Variants in ADAMTS20 observed in about 807,000 individuals in gnomAD.
The protein encoded by ADAMTS20 is A disintegrin and metalloproteinase with thrombospondin motifs 20.
In ADAMTS20, 225 loss-of-function variants were observed where a neutral mutation model predicts 260.1. The observed-to-expected ratio is 0.87, with a 90% CI of 0.78 to 0.97. The LOEUF is 0.97. Ranked by LOEUF, ADAMTS20 falls within the 50% of genes least tolerant of loss-of-function variation. ADAMTS20 has a pLI of 0.00. For synonymous variants in ADAMTS20, 802 were observed against 769.5 expected (o/e 1.04, Z -0.70); for missense variants, 2,400 against 2,337.7 (o/e 1.03, Z -0.55).
Position 43,452,612 on chromosome 12 carries a change from T to G in ADAMTS20, c.1844A>C (p.Gln615Pro). 1 of 1,613,490 alleles carries G rather than the reference T, an allele frequency of 6.2e-7. No homozygotes were observed. Among genetic ancestry groups the G allele is most frequent in the African/African-American group, 1.3e-5 (1 of 75,050 alleles). The change falls in exon 13 of 39, where the codon CAA becomes CCA. Residue 615 changes from glutamine to proline, a missense_variant. Transcript: ENST00000389420. ...AGAGCACTGCTTCTCTCGAAAGTCT[T>G]GTGTGCCTTTTGGACATGAATCAGT... The part of the protein sequence containing the change: ...CNTDSCPKGT[Q>P]DFREKQCSDF...
chr12:43,512,496 T>C (rs1192215918), intron 3 of ADAMTS20, among the ~76,000 whole-genome samples: 1 of 152,056 alleles, frequency 6.6e-6, no homozygotes, highest in Non-Finnish European at 1.5e-5. Context: ...TATGAAAATC[T>C]ACAGTCCTCT....
rs571816322 is a variant in ADAMTS20, at chr12:43,439,981, T to C, written c.2379A>G (p.Arg793=). The change falls in exon 17 of 39, where the codon AGA becomes AGG. Residue 793 remains arginine (R), a synonymous_variant. Transcript: ENST00000389420. Reference sequence around the variant, plus strand: ...TTGATCCACTGTATTCAATAACAGTTCTTGTTCCTTGCACATTGATTTCTT... The same window carrying C: ...TTGATCCACTGTATTCAATAACAGTCCTTGTTCCTTGCACATTGATTTCTT... ...SKKEINVQGT[R]TVIEYSGSNN... The C allele has an allele frequency of 1.2e-4, 199 of 1,594,970 alleles. No individual in the cohort carries two copies. Among genetic ancestry groups the C allele is most frequent in the Middle Eastern group, 3.3e-4 (2 of 6,034 alleles).
chr12:43,413,729 T>C (rs1027754802), intron 28 of ADAMTS20, among the ~76,000 whole-genome samples: 4 of 152,184 alleles, frequency 2.6e-5, no homozygotes, highest in African/African-American at 9.7e-5. Flanking sequence ...GATTCTAACT[T>C]CCAGAGGTAG....
chr12:43,453,530 C>T (rs1026805434), intron 12 of ADAMTS20, among the ~76,000 whole-genome samples: 9 of 151,936 alleles, frequency 5.9e-5, no homozygotes, highest in African/African-American at 2.2e-4. Flanking sequence ...GGTAACCAAA[C>T]TATATATGTT....
At chr12:43,394,139 T>C (rs1940652403) in intron 29 of ADAMTS20, among the ~76,000 whole-genome samples, 1 of 152,084 alleles carries the variant, frequency 6.6e-6, no homozygotes, top group Non-Finnish European at 1.5e-5. Context: ...TCCAGCACCC[T>C]AATGTTGTAG....
At chr12:43,525,625 A>G (rs1389064712) in intron 3 of ADAMTS20, among the ~76,000 whole-genome samples, 1 of 152,230 alleles carries the variant, frequency 6.6e-6, no homozygotes, top group African/African-American at 2.4e-5. Context: ...ACTGTCTTCA[A>G]GAGACTCACC....
intron 37 of ADAMTS20, among the ~76,000 whole-genome samples, chr12:43,357,923 G>A (rs1180678495): frequency 6.6e-6 from 1 of 152,052 alleles, no homozygotes; most frequent in Non-Finnish European, 1.5e-5. Context: ...ACAAATATTT[G>A]AATAAAAAGA....
In ADAMTS20 at chr12:43,526,524, T is replaced by C. The variant is rs185015690; in HGVS notation, c.613+5512A>G. 1.0e-3 allele frequency among the ~76,000 whole-genome samples: 155 copies of C among 151,850 alleles called. 2 individuals are homozygous for C. Among genetic ancestry groups the C allele is most frequent in the African/African-American group, 3.6e-3 (149 of 41,398 alleles). ...CAGTGAAGTAAAACAAGAAATCAAC[T>C]CCAAAAGGAACCCCTAAACTACACA... is the stretch of plus-strand genomic sequence containing the variant. On this transcript the variant is annotated intron_variant, in intron 3 of 38. Coordinates refer to ENST00000389420, the MANE Select transcript of ADAMTS20 (RefSeq NM_025003.5).
chr12:43,526,890 T>C (rs1943150989), intron 3 of ADAMTS20, among the ~76,000 whole-genome samples: 1 of 151,510 alleles, frequency 6.6e-6, no homozygotes. Flanking sequence ...AAAAAATCAA[T>C]GAAACAAAAA....
intron 7 of ADAMTS20, among the ~76,000 whole-genome samples, chr12:43,469,524 A>G (rs1188750323): frequency 1.3e-5 from 2 of 152,058 alleles, no homozygotes; most frequent in Non-Finnish European, 2.9e-5. Context: ...TTTTTCATTT[A>G]CTTATTTTTT....
chr12:43,521,930 A>T (rs927787706), intron 3 of ADAMTS20, among the ~76,000 whole-genome samples: 2 of 152,202 alleles, frequency 1.3e-5, no homozygotes, highest in Non-Finnish European at 2.9e-5. Context: ...ACCAATCTTT[A>T]TACGTTCTGT....
chr12:43,457,693 C>G (rs1941989141), intron 11 of ADAMTS20, among the ~76,000 whole-genome samples: 1 of 152,100 alleles, frequency 6.6e-6, no homozygotes, highest in Non-Finnish European at 1.5e-5. Context: ...GTTCTAGTTC[C>G]TTTTAAAATA....
intron 29 of ADAMTS20, among the ~76,000 whole-genome samples, chr12:43,392,012 A>C (rs1485969856): frequency 2.0e-5 from 3 of 152,188 alleles, no homozygotes; most frequent in Non-Finnish European, 4.4e-5. Flanking sequence ...AATCTTATGC[A>C]CATCTACATA....
At chr12:43,460,988 A>ATAT in intron 11 of ADAMTS20, among the ~76,000 whole-genome samples, 8 of 26,396 alleles carry the variant, frequency 3.0e-4, no homozygotes, top group Admixed American at 8.3e-4. Context: ...ATATATATAT[A>ATAT]TTTTTTTTTT....
Position 43,369,337 on chromosome 12 carries a change from G to T in ADAMTS20, c.5491C>A (p.Pro1831Thr), listed in dbSNP as rs944040328. The part of the protein sequence containing the change: ...FSKTIFGNAV[P>T]FATAGDCYSA... ...TAGCAATCTCCAGCTGTGGCAAATG[G>T]AACTGCATTTCCAAATATTGTTTTG... The change falls in exon 37 of 39, where the codon CCA becomes ACA. Residue 1831 changes from proline (P) to threonine (T), a missense_variant. By Grantham distance (38) the Pro-to-Thr change is conservative. Transcript: ENST00000389420. 3.8e-6 allele frequency: 6 copies of T among 1,566,062 alleles called. No individual in the cohort carries two copies. Among genetic ancestry groups the T allele is most frequent in the Non-Finnish European group, 5.2e-6 (6 of 1,157,410 alleles).
intron 2 of ADAMTS20, among the ~76,000 whole-genome samples, chr12:43,549,083 G>T (rs1592120386): frequency 6.6e-6 from 1 of 151,786 alleles, no homozygotes. Context: ...TGTTCTGAAT[G>T]TTTTATTATA....
chr12:43,411,198 C>A (rs1941024649), intron 28 of ADAMTS20, among the ~76,000 whole-genome samples: 1 of 152,146 alleles, frequency 6.6e-6, no homozygotes, highest in South Asian at 2.1e-4. Flanking sequence ...GAAAGGGATT[C>A]TGCTATCCTT....
At chr12:43,376,437 T>G (rs1370171539) in intron 33 of ADAMTS20, 87 bp downstream of exon 33, 4 of 1,473,602 alleles carry the variant, frequency 2.7e-6, no homozygotes, top group Non-Finnish European at 3.7e-6. Context: ...CTTTGTTTTG[T>G]GGAGTGTGAA....
intron 37 of ADAMTS20, among the ~76,000 whole-genome samples, chr12:43,360,747 A>G (rs1382364225): frequency 1.3e-5 from 2 of 152,178 alleles, no homozygotes; most frequent in Admixed American, 6.5e-5. Flanking sequence ...AACAAGAGAG[A>G]TCACATGAAC....
Sources: allele counts gnomAD v4.1 joint callset (sites outside exome capture counted in the v4.1 genomes callset), GRCh38; gene constraint gnomAD v4.1.1; transcripts MANE v1.5; gene names NCBI Gene and HGNC (gene_info 2026-07-23, HGNC 2026-07-21).